Variants in RBFOX3 observed in about 807,000 individuals in gnomAD.
RBFOX3 encodes the protein RNA binding protein fox-1 homolog 3.
In RBFOX3, 17 loss-of-function variants were observed where a neutral mutation model predicts 48.7. The ratio of observed to expected loss-of-function variants is 0.35; its 90% confidence interval spans 0.24 to 0.52. The LOEUF (loss-of-function observed/expected upper bound fraction) is 0.52. RBFOX3 is among the 20% of genes least tolerant of loss of function. RBFOX3 has a pLI of 0.94. For synonymous variants in RBFOX3, 212 were observed against 209.5 expected (o/e 1.01, Z -0.10); for missense variants, 382 against 497.5 (o/e 0.77, Z 2.21).
intron 5 of RBFOX3, among the ~76,000 whole-genome samples, chr17:79,112,422 G>A (rs569773409): frequency 3.5e-4 from 54 of 152,262 alleles, no homozygotes; most frequent in African/African-American, 1.2e-3. Context: ...AACCCTCCTC[G>A]GGGGAGGAGG....
intron 2 of RBFOX3, among the ~76,000 whole-genome samples, chr17:79,456,541 G>T (rs1223941378): frequency 1.3e-5 from 2 of 152,084 alleles, no homozygotes; most frequent in Non-Finnish European, 2.9e-5. Flanking sequence ...GGTTCCCAAA[G>T]GGTCTCTCTG....
the RBFOX3 span, among the ~76,000 whole-genome samples, chr17:79,644,392 T>C: frequency 1.3e-5 from 2 of 152,082 alleles, no homozygotes; most frequent in African/African-American, 4.8e-5. Context: ...CTGACATAAC[T>C]CATGAATATA....
intron 1 of RBFOX3, among the ~76,000 whole-genome samples, chr17:79,555,093 G>A (rs1291699094): frequency 2.0e-5 from 3 of 152,218 alleles, no homozygotes; most frequent in Non-Finnish European, 4.4e-5. Flanking sequence ...CACTAGCTGT[G>A]GGACCCAAGG....
intron 1 of RBFOX3, among the ~76,000 whole-genome samples, chr17:79,511,946 A>G (rs1476296086): frequency 1.8e-4 from 27 of 147,676 alleles, no homozygotes; most frequent in Middle Eastern, 3.7e-3. Context: ...CATCGGATAC[A>G]GCCCCATGGC....
rs2078912219 is a variant in RBFOX3 at position 79,482,471 on chromosome 17, G to A, written c.-192C>T. On this transcript the variant is annotated 5_prime_UTR_variant, in exon 2 of 15. Transcript: ENST00000693108. This position sits in a 1 kb window ranked among gnomAD's most constrained non-coding sequence, Gnocchi z 4.1. ...CGCCTTACCTGGTAGTGGGAGGTGA[G>A]GTCTGCTTTGCTGAGCGGGGAGGCC... 6.6e-6 allele frequency: 1 copy of A among 152,242 alleles called. No homozygotes were observed. 9.4% of individuals were successfully genotyped at this position (152,242 alleles called of 1,614,324 possible). A position where few individuals can be genotyped will look rare whatever the true frequency, so the allele number is the denominator to read the frequency against.
the RBFOX3 span, among the ~76,000 whole-genome samples, chr17:79,664,497 C>T: frequency 6.6e-6 from 1 of 152,170 alleles, no homozygotes; most frequent in South Asian, 2.1e-4. Context: ...CAGGCGCCCA[C>T]CACCTCACCT....
chr17:79,332,405 T>C (rs1460284549), intron 2 of RBFOX3, among the ~76,000 whole-genome samples: 1 of 151,890 alleles, frequency 6.6e-6, no homozygotes, highest in Middle Eastern at 3.4e-3. Flanking sequence ...GGGAAAGGGA[T>C]AGATAGGGAG....
At chr17:79,096,632 T>G in intron 12 of RBFOX3, 21 bp downstream of exon 12, 8 of 677,434 alleles carry the variant, frequency 1.2e-5, no homozygotes, top group Non-Finnish European at 2.0e-5. Context: ...CCACCCTCCC[T>G]CCCGGCGGGG....
chr17:79,612,587 T>G (rs2093977137), upstream of RBFOX3, among the ~76,000 whole-genome samples: 1 of 152,178 alleles, frequency 6.6e-6, no homozygotes, highest in African/African-American at 2.4e-5. Context: ...TGATCTGTCT[T>G]GGCCGGTGGG....
chr17:79,341,804 A>G (rs1598324086), intron 2 of RBFOX3, among the ~76,000 whole-genome samples: 2 of 152,198 alleles, frequency 1.3e-5, no homozygotes, highest in South Asian at 4.1e-4. Flanking sequence ...GCTCTCATAA[A>G]CCATGTGCCC....
chr17:79,275,127 T>C (rs1053126137), intron 3 of RBFOX3, among the ~76,000 whole-genome samples: 85 of 87,550 alleles, frequency 9.7e-4, no homozygotes, highest in African/African-American at 3.9e-3. Flanking sequence ...TGTCTCCCTC[T>C]CTCTCTCTCT....
chr17:79,565,561 G>A (rs960488070), intron 1 of RBFOX3, among the ~76,000 whole-genome samples: 32 of 152,198 alleles, frequency 2.1e-4, no homozygotes, highest in South Asian at 1.3e-3. Flanking sequence ...GGCTGGTCTC[G>A]AACCCCTGAC....
At chr17:79,091,966 T>C (rs1051686988) in intron 14 of RBFOX3, 1 of 985,462 alleles carries the variant, frequency 1.0e-6, no homozygotes, top group Non-Finnish European at 1.2e-6. Flanking sequence ...TAAAATTTAA[T>C]GAAAAATATT....
chr17:79,310,091 A>G (rs1014491053), intron 2 of RBFOX3, among the ~76,000 whole-genome samples: 5 of 152,184 alleles, frequency 3.3e-5, no homozygotes, highest in African/African-American at 1.2e-4. Context: ...TGCTCAGGGA[A>G]TGAGGAATGA....
At chr17:79,654,158 G>A in the RBFOX3 span, among the ~76,000 whole-genome samples, 1 of 152,164 alleles carries the variant, frequency 6.6e-6, no homozygotes, top group South Asian at 2.1e-4. Context: ...CAGTTTTCTG[G>A]TCCAAGCCAC....
chr17:79,235,615 G>A (rs893237992), intron 4 of RBFOX3, 151 bp downstream of exon 4: 2 of 153,420 alleles, frequency 1.3e-5, no homozygotes, highest in Non-Finnish European at 2.9e-5. Context: ...ACGGCGCCAA[G>A]CCTTCCCTCC....
chr17:79,193,192 G>C (rs2054865853), intron 4 of RBFOX3, among the ~76,000 whole-genome samples: 2 of 152,182 alleles, frequency 1.3e-5, no homozygotes. Flanking sequence ...GACCTGGTCC[G>C]TGTTGCAATT....
chr17:79,403,297 C>T (rs1241907562), intron 2 of RBFOX3, among the ~76,000 whole-genome samples: 2 of 152,292 alleles, frequency 1.3e-5, no homozygotes, highest in Non-Finnish European at 2.9e-5. Flanking sequence ...CTGGCAAGGC[C>T]CACACCCCTA....
the RBFOX3 span, among the ~76,000 whole-genome samples, chr17:79,625,073 G>A: frequency 2.6e-5 from 4 of 151,972 alleles, no homozygotes; most frequent in African/African-American, 4.8e-5. Context: ...AGATATGCCC[G>A]TGAAACCATC....
Sources: gnomAD v4.1 joint callset for allele counts (sites outside exome capture counted in the v4.1 genomes callset) on GRCh38, gnomAD v4.1.1 for gene constraint, Gnocchi (gnomAD v3.1) non-coding constraint, MANE v1.5 for transcripts, NCBI Gene and HGNC (gene_info 2026-07-23, HGNC 2026-07-21) for gene names.